PLCB4: variants seen among roughly 807,000 people sequenced by gnomAD.
PLCB4 encodes 1-phosphatidylinositol 4,5-bisphosphate phosphodiesterase beta-4.
In PLCB4, 77 loss-of-function variants were observed where a neutral mutation model predicts 178.8. That is an observed-to-expected ratio of 0.43 (90% CI 0.36 to 0.52). The LOEUF (loss-of-function observed/expected upper bound fraction) is 0.52. Ranked by LOEUF, PLCB4 falls within the 20% of genes least tolerant of loss-of-function variation. PLCB4 has a pLI of 0.00. For missense variants in PLCB4, 1,024 were observed against 1,453.4 expected, an observed-to-expected ratio of 0.70 and a Z score of 4.80; for synonymous variants, 496 against 490.8, an observed-to-expected ratio of 1.01 and a Z score of -0.14.
chr20:9,265,419 G>A (rs980638687), intron 3 of PLCB4, among the ~76,000 whole-genome samples: 2 of 152,142 alleles, frequency 1.3e-5, no homozygotes, highest in African/African-American at 2.4e-5. Context: ...GGAGGTAAAG[G>A]TTGCAGTGAG....
chr20:9,394,969 A>G (rs892101797), intron 18 of PLCB4, among the ~76,000 whole-genome samples: 1 of 151,790 alleles, frequency 6.6e-6, no homozygotes, highest in Non-Finnish European at 1.5e-5. Flanking sequence ...GCATATTACT[A>G]TTTGTGGTTT....
chr20:9,399,295 T>C (rs2038850759), intron 19 of PLCB4, among the ~76,000 whole-genome samples: 1 of 152,222 alleles, frequency 6.6e-6, no homozygotes. Flanking sequence ...TCCACCTAGA[T>C]GGCACAAGGC....
At chr20:9,208,420 CA>C (rs1173191629) in intron 2 of PLCB4, among the ~76,000 whole-genome samples, 1 of 152,162 alleles carries the variant, frequency 6.6e-6, no homozygotes, top group Non-Finnish European at 1.5e-5. Flanking sequence ...GCTGTCTAAC[CA>C]AACATGTTTC....
At chr20:9,108,552 C>T (rs1489342413) in intron 2 of PLCB4, among the ~76,000 whole-genome samples, 1 of 151,842 alleles carries the variant, frequency 6.6e-6, no homozygotes, top group Non-Finnish European at 1.5e-5. Flanking sequence ...GCTTGAATTC[C>T]TTGCTGAGGT....
chr20:9,401,357 A>G lies in PLCB4; in HGVS notation c.1511-133A>G, dbSNP rs2148466410. ...AGTTTTACTTGAAAAAATACTGCAT[A>G]TATCAATGTCCCCATTTTCTTTTAG... On this transcript the variant is annotated intron_variant, in intron 19 of 39. Transcript: ENST00000378473. The G allele has an allele frequency of 4.7e-6, 3 of 642,622 alleles. No homozygotes were observed. In the East Asian group the frequency reaches 8.2e-5, roughly 18 times the overall value. The allele number at this position is 642,622 out of a possible 1,614,324, so 39.8% of individuals were successfully genotyped here.
intron 26 of PLCB4, among the ~76,000 whole-genome samples, chr20:9,420,475 C>G (rs1162791402): frequency 6.6e-6 from 1 of 151,832 alleles, no homozygotes; most frequent in African/African-American, 2.4e-5. Flanking sequence ...ATTACAGGTG[C>G]CCACCGCCAC....
At chr20:9,385,848 G>T (rs566145897) in intron 14 of PLCB4, among the ~76,000 whole-genome samples, 1 of 152,208 alleles carries the variant, frequency 6.6e-6, no homozygotes, top group Admixed American at 6.5e-5. Context: ...CTTCCTAGAC[G>T]GGGTGGCGGC....
chr20:9,136,688 T>C (rs976205047), intron 2 of PLCB4, among the ~76,000 whole-genome samples: 1 of 152,108 alleles, frequency 6.6e-6, no homozygotes, highest in Non-Finnish European at 1.5e-5. Context: ...TAAGTGCATA[T>C]TCTACACACA....
At chr20:9,215,699 A>T (rs2093722883) in intron 2 of PLCB4, among the ~76,000 whole-genome samples, 1 of 152,230 alleles carries the variant, frequency 6.6e-6, no homozygotes, top group Non-Finnish European at 1.5e-5. Flanking sequence ...TTAGGTTAAA[A>T]TCAAAGACCT....
chr20:9,265,212 G>A (rs927348687), intron 3 of PLCB4, among the ~76,000 whole-genome samples: 3 of 152,124 alleles, frequency 2.0e-5, no homozygotes, highest in Non-Finnish European at 4.4e-5. Context: ...ACTGGGCGTG[G>A]TGGCTCATGT....
chr20:9,087,706 G>C (rs976367317), intron 1 of PLCB4, among the ~76,000 whole-genome samples: 1 of 152,216 alleles, frequency 6.6e-6, no homozygotes, highest in Admixed American at 6.5e-5. Flanking sequence ...AAGGGGCCAA[G>C]GCTATTGCAC....
intron 25 of PLCB4, among the ~76,000 whole-genome samples, chr20:9,411,292 T>A (rs2039841122): frequency 6.6e-6 from 1 of 152,238 alleles, no homozygotes; most frequent in South Asian, 2.1e-4. Context: ...TTTGGGTTTT[T>A]TAAATCACAA....
rs111884344 is a variant in PLCB4, at chr20:9,237,265, C to T, written c.-16+19813C>T. Among the ~76,000 whole-genome samples, 1,417 of 152,180 alleles carry T rather than the reference C, an allele frequency of 9.3e-3. 9 individuals are homozygous for T. The highest frequency in any genetic ancestry group is 0.016 in the South Asian group (75 of 4,812). ...GTGTGTGTGCATACGTATGTTTAAA[C>T]GACTATATGCTTGTCACACACATCC... On this transcript the variant is annotated intron_variant, in intron 3 of 39. Coordinates refer to ENST00000378473, the MANE Select transcript of PLCB4 (RefSeq NM_001377142.1).
At chr20:9,180,130 T>A (rs1189876324) in intron 2 of PLCB4, among the ~76,000 whole-genome samples, 1 of 152,184 alleles carries the variant, frequency 6.6e-6, no homozygotes, top group Non-Finnish European at 1.5e-5. Flanking sequence ...TGCATCAAAG[T>A]AAGAGAAATA....
At chr20:9,354,037 T>C (rs1323359199) in intron 7 of PLCB4, among the ~76,000 whole-genome samples, 2 of 152,216 alleles carry the variant, frequency 1.3e-5, no homozygotes, top group African/African-American at 2.4e-5. Context: ...AGTCTTCCTC[T>C]GGGCCAGCTC....
At chr20:9,442,379 G>GTT (rs11087846) in intron 30 of PLCB4, among the ~76,000 whole-genome samples, 13 of 148,592 alleles carry the variant, frequency 8.7e-5, no homozygotes, top group South Asian at 4.3e-4. Context: ...GTAGAGTGTG[G>GTT]TTTTTTTTTT....
At chr20:9,268,770 A>G (rs2094374013) in intron 3 of PLCB4, among the ~76,000 whole-genome samples, 1 of 152,206 alleles carries the variant, frequency 6.6e-6, no homozygotes, top group African/African-American at 2.4e-5. Context: ...TAAAGAAACT[A>G]TATAATTAGC....
intron 4 of PLCB4, among the ~76,000 whole-genome samples, chr20:9,313,350 A>T (rs1180509823): frequency 6.6e-6 from 1 of 152,208 alleles, no homozygotes; most frequent in African/African-American, 2.4e-5. Flanking sequence ...TGCCAGACAG[A>T]TGCTGGAAAT....
chr20:9,322,057 C>T (rs182857659), intron 4 of PLCB4, among the ~76,000 whole-genome samples: 94 of 150,824 alleles, frequency 6.2e-4, no homozygotes, highest in African/African-American at 2.3e-3. Flanking sequence ...AAGCAATTCT[C>T]CTGCCTCAGC....
Sources: allele counts gnomAD v4.1 joint callset (sites outside exome capture counted in the v4.1 genomes callset), GRCh38; gene constraint gnomAD v4.1.1; transcripts MANE v1.5; gene names NCBI Gene and HGNC (gene_info 2026-07-23, HGNC 2026-07-21).